ZBTB44: variants seen among roughly 807,000 people sequenced by gnomAD.
ZBTB44 encodes zinc finger and BTB domain containing 44.
In ZBTB44, 15 loss-of-function variants were observed where a neutral mutation model predicts 54.0. That is an observed-to-expected ratio of 0.28 (90% CI 0.19 to 0.43). The LOEUF is 0.43. Ranked by LOEUF, ZBTB44 falls within the 20% of genes least tolerant of loss-of-function variation. The pLI is 1.00. For missense variants in ZBTB44, 487 were observed against 707.1 expected (o/e 0.69, Z 3.53); for synonymous variants, 230 against 250.1 (o/e 0.92, Z 0.76).
intron 1 of ZBTB44, among the ~76,000 whole-genome samples, chr11:130,276,880 C>T (rs941008085): frequency 3.3e-5 from 5 of 152,124 alleles, no homozygotes; most frequent in Admixed American, 6.5e-5. Context: ...GATGAAATGA[C>T]CCTTTTATCC....
At chr11:130,238,795 T>G (rs1217058602) in intron 3 of ZBTB44, 188 bp from the exon 4 acceptor site, 3 of 601,102 alleles carry the variant, frequency 5.0e-6, no homozygotes, top group Non-Finnish European at 7.6e-6. Flanking sequence ...TGCCTTTTGT[T>G]TTTTTTTTTT....
intron 1 of ZBTB44, chr11:130,310,313 T>A (rs889048964): frequency 7.2e-5 from 11 of 152,192 alleles, no homozygotes; most frequent in Admixed American, 6.5e-4. Context: ...GGCATCAACA[T>A]GGTGACCTCC....
At chr11:130,247,082 A>C (rs558207314) in intron 2 of ZBTB44, among the ~76,000 whole-genome samples, 3 of 152,210 alleles carry the variant, frequency 2.0e-5, no homozygotes, top group Admixed American at 6.5e-5. Context: ...AACCCTCCCT[A>C]ATGGAGAGTA....
At chr11:130,275,506 T>C (rs1405110619) in intron 1 of ZBTB44, among the ~76,000 whole-genome samples, 1 of 152,186 alleles carries the variant, frequency 6.6e-6, no homozygotes, top group African/African-American at 2.4e-5. Flanking sequence ...TGATTTCATT[T>C]GGATTTCTTT....
At chr11:130,292,542 G>A (rs1247287843) in intron 1 of ZBTB44, among the ~76,000 whole-genome samples, 3 of 152,060 alleles carry the variant, frequency 2.0e-5, no homozygotes, top group African/African-American at 7.2e-5. Flanking sequence ...ATAAATAAAA[G>A]TGTGCATTGA....
chr11:130,294,706 A>C (rs990096151), intron 1 of ZBTB44, among the ~76,000 whole-genome samples: 4 of 151,934 alleles, frequency 2.6e-5, no homozygotes, highest in Non-Finnish European at 5.9e-5. Flanking sequence ...GACAGAAATA[A>C]CTCCCACATG....
intron 1 of ZBTB44, among the ~76,000 whole-genome samples, chr11:130,305,245 A>T (rs1383099588): frequency 6.6e-6 from 1 of 152,154 alleles, no homozygotes; most frequent in Admixed American, 6.5e-5. Context: ...CTATAGAACT[A>T]GAAAACACAA....
chr11:130,257,238 T>TAAAAA (rs572669481), intron 2 of ZBTB44, among the ~76,000 whole-genome samples: 1 of 109,342 alleles, frequency 9.1e-6, no homozygotes, highest in Non-Finnish European at 2.0e-5. Flanking sequence ...TCCCAGATCT[T>TAAAAA]AAAAAAAAAA....
chr11:130,311,581 A>G (rs1196591160), intron 1 of ZBTB44, among the ~76,000 whole-genome samples: 1 of 152,218 alleles, frequency 6.6e-6, no homozygotes, highest in Admixed American at 6.5e-5. Context: ...AGGAAGAAAA[A>G]GTCTGCTTGT....
chr11:130,231,239 AAAACAGATCCAT>A lies in ZBTB44; in HGVS notation c.*513_*524del, dbSNP rs1477943860. ...ATTATCCCTTGCAAATCTGTTTCCT[AAAACAGATCCAT>A]AAACAGATCCAATATCCTTAAAGTA... On this transcript the variant is annotated 3_prime_UTR_variant, in exon 8 of 8. Coordinates refer to ENST00000357899, the MANE Select transcript of ZBTB44 (RefSeq NM_001301098.2). 6.6e-6 allele frequency: 1 copy of A among 152,100 alleles called. No individual in the cohort carries two copies. The highest frequency in any genetic ancestry group is 1.5e-5 in the Non-Finnish European group (1 of 67,966). 9.4% of individuals were successfully genotyped at this position (152,100 alleles called of 1,614,324 possible).
intron 1 of ZBTB44, among the ~76,000 whole-genome samples, chr11:130,272,767 C>T (rs112231759): frequency 0.041 from 6,200 of 151,184 alleles, 317 homozygotes; most frequent in African/African-American, 0.12. Context: ...GGTCCCACCT[C>T]GTTCTTTTGC....
chr11:130,279,301 TGTTA>T (rs1480255547), intron 1 of ZBTB44, among the ~76,000 whole-genome samples: 4 of 147,184 alleles, frequency 2.7e-5, no homozygotes, highest in South Asian at 2.2e-4. Flanking sequence ...ACTGTTCTAC[TGTTA>T]TTTAAAAAAA....
chr11:130,277,017 C>T (rs1176869865), intron 1 of ZBTB44, among the ~76,000 whole-genome samples: 1 of 152,150 alleles, frequency 6.6e-6, no homozygotes, highest in Non-Finnish European at 1.5e-5. Flanking sequence ...TACTTTCAAT[C>T]TATTTTTCTT....
intron 1 of ZBTB44, among the ~76,000 whole-genome samples, chr11:130,270,713 G>A (rs1939604563): frequency 6.6e-6 from 1 of 152,080 alleles, no homozygotes; most frequent in Non-Finnish European, 1.5e-5. Flanking sequence ...AAGGGTGGGT[G>A]GAACAGTAGC....
chr11:130,244,910 G>T (rs1954577068), intron 2 of ZBTB44, among the ~76,000 whole-genome samples: 1 of 152,078 alleles, frequency 6.6e-6, no homozygotes, highest in Non-Finnish European at 1.5e-5. Context: ...AAATTTTAAG[G>T]CATCCAAACT....
At chr11:130,262,222 C>T (rs1938912298) in intron 1 of ZBTB44, among the ~76,000 whole-genome samples, 1 of 152,162 alleles carries the variant, frequency 6.6e-6, no homozygotes, top group Non-Finnish European at 1.5e-5. Flanking sequence ...TCACTGCAAC[C>T]TCTGCCTCCC....
intron 5 of ZBTB44, chr11:130,235,967 CA>C (rs573886694): frequency 0.15 from 84,770 of 582,762 alleles, 38 homozygotes; most frequent in South Asian, 0.19. Context: ...GACTCCATCT[CA>C]AAAAAAAAAA....
rs1327850926 is a variant in ZBTB44, at chr11:130,290,138, T to C, written c.-57+24237A>G. 2.0e-5 allele frequency among the ~76,000 whole-genome samples: 3 copies of C among 152,196 alleles called. No homozygotes were observed. In the East Asian group the frequency reaches 5.8e-4, roughly 29 times the overall value. On this transcript the variant is annotated intron_variant, in intron 1 of 7. Transcript: ENST00000357899. Reference sequence around the variant, plus strand: ...TCTCCTTATACAAGGAAGGCAGATGTAGACTTGGCACACACAGGAGAAGGT... The same window carrying C: ...TCTCCTTATACAAGGAAGGCAGATGCAGACTTGGCACACACAGGAGAAGGT...
chr11:130,275,895 G>A lies in ZBTB44; in HGVS notation c.-56-13966C>T, dbSNP rs867142878. On this transcript the variant is annotated intron_variant, in intron 1 of 7. Transcript: ENST00000357899. ...CCCACCTTGGCCTCCCAAAGTGCTG[G>A]GATTACAGGCATGAGCCACCGCGCC... is the stretch of plus-strand genomic sequence containing the variant. Among the ~76,000 whole-genome samples, 7 of 151,740 alleles carry A rather than the reference G, an allele frequency of 4.6e-5. No individual in the cohort carries two copies. In the South Asian group the frequency reaches 1.5e-3, roughly 32 times the overall value.
Sources: allele counts gnomAD v4.1 joint callset (sites outside exome capture counted in the v4.1 genomes callset), GRCh38; gene constraint gnomAD v4.1.1; transcripts MANE v1.5; gene names NCBI Gene and HGNC (gene_info 2026-07-23, HGNC 2026-07-21).